DNAH14: variants seen among roughly 807,000 people sequenced by gnomAD.
DNAH14 encodes the protein dynein axonemal heavy chain 14.
A neutral mutation model predicts 520.9 loss-of-function variants in DNAH14; 478 were observed. The ratio of observed to expected loss-of-function variants is 0.92; its 90% confidence interval spans 0.85 to 0.99. DNAH14 has a LOEUF of 0.99. Among genes scored for constraint, DNAH14 ranks in the 50% least tolerant of loss-of-function variants. DNAH14 has a pLI of 0.00. For synonymous variants in DNAH14, 1,581 were observed against 1,757.2 expected (o/e 0.90, Z 2.51); for missense variants, 4,831 against 5,234.5 (o/e 0.92, Z 2.38).
At chr1:225,065,589 A>G (rs1176093276) in intron 17 of DNAH14, among the ~76,000 whole-genome samples, 1 of 152,056 alleles carries the variant, frequency 6.6e-6, no homozygotes, top group Admixed American at 6.6e-5. Flanking sequence ...TTGAGATACT[A>G]CATGTAATTG....
At chr1:225,277,918 G>C (rs2093528817) in intron 54 of DNAH14, among the ~76,000 whole-genome samples, 1 of 151,892 alleles carries the variant, frequency 6.6e-6, no homozygotes, top group Non-Finnish European at 1.5e-5. Context: ...AAAATCTTTT[G>C]GAAAATTAGC....
intron 8 of DNAH14, 23 bp downstream of exon 8, chr1:224,974,176 T>G: frequency 7.0e-7 from 1 of 1,423,994 alleles, no homozygotes; most frequent in African/African-American, 1.5e-5. Flanking sequence ...ACGCAATATA[T>G]AAAAATTTCA....
chr1:225,135,256 C>T (rs1210810672), intron 27 of DNAH14, among the ~76,000 whole-genome samples: 6 of 151,932 alleles, frequency 3.9e-5, no homozygotes, highest in African/African-American at 1.4e-4. Flanking sequence ...AGGTTGTTAA[C>T]TTGAGGTCTC....
At chr1:225,240,983 G>A (rs2091930692) in intron 43 of DNAH14, among the ~76,000 whole-genome samples, 161 bp downstream of exon 43, 1 of 152,154 alleles carries the variant, frequency 6.6e-6, no homozygotes. Context: ...GAAAGAAGCT[G>A]AAGAAAATTA....
At chr1:224,979,272 C>T (rs558247542) in intron 8 of DNAH14, among the ~76,000 whole-genome samples, 2 of 152,276 alleles carry the variant, frequency 1.3e-5, no homozygotes, top group South Asian at 2.1e-4. Context: ...CATCTTTCTC[C>T]CATGCCATGG....
At chr1:225,371,949 T>C (rs1374079157) in intron 77 of DNAH14, among the ~76,000 whole-genome samples, 1 of 152,162 alleles carries the variant, frequency 6.6e-6, no homozygotes, top group Non-Finnish European at 1.5e-5. Flanking sequence ...TTATCTAAAT[T>C]ATTTAATTCC....
In DNAH14 at chr1:225,264,126, T is replaced by A. The variant is rs950040554; in HGVS notation, c.7158-71T>A. 3 of 1,315,378 alleles carry A rather than the reference T, an allele frequency of 2.3e-6. No homozygotes were observed. The African/African-American group carries it at 4.5e-5, about 20-fold the overall frequency. 81.5% of individuals were successfully genotyped at this position (1,315,378 alleles called of 1,614,324 possible). A position where few individuals can be genotyped will look rare whatever the true frequency, so the allele number is the denominator to read the frequency against. On this transcript the variant is annotated intron_variant, in intron 46 of 85. Transcript: ENST00000682510. ...TAAAATTCACAATATGCTGTTACTTTTTTGTTGTTGTTTAATATACCTATT... is the reference window on the plus strand; with the variant it reads ...TAAAATTCACAATATGCTGTTACTTATTTGTTGTTGTTTAATATACCTATT...
intron 41 of DNAH14, among the ~76,000 whole-genome samples, chr1:225,225,196 G>A (rs111545904): frequency 1.3e-5 from 2 of 152,190 alleles, no homozygotes; most frequent in East Asian, 3.9e-4. Context: ...TCACAGACAC[G>A]TTCCCTCCTT....
At chr1:224,971,828 T>C (rs2061518811) in intron 7 of DNAH14, among the ~76,000 whole-genome samples, 1 of 152,210 alleles carries the variant, frequency 6.6e-6, no homozygotes, top group Non-Finnish European at 1.5e-5. Flanking sequence ...TTCTGGGACC[T>C]GTCACATGTA....
At chr1:225,054,667 C>G (rs190850845) in intron 17 of DNAH14, among the ~76,000 whole-genome samples, 1 of 152,168 alleles carries the variant, frequency 6.6e-6, no homozygotes, top group African/African-American at 2.4e-5. Flanking sequence ...TAGTTAGCTT[C>G]TATACAGTAT....
chr1:225,374,597 G>C, intron 77 of DNAH14, 91 bp from the exon 78 acceptor site: 1 of 1,127,382 alleles, frequency 8.9e-7, no homozygotes, highest in South Asian at 2.0e-5. Context: ...AATATATGTA[G>C]CTGTTTGAGA....
At chr1:225,098,857 T>C (rs971019709) in intron 22 of DNAH14, among the ~76,000 whole-genome samples, 1 of 152,204 alleles carries the variant, frequency 6.6e-6, no homozygotes, top group African/African-American at 2.4e-5. Flanking sequence ...TTGAAAAAGA[T>C]GTTTTCAACT....
rs545387053 is a variant in DNAH14 at position 225,129,103 on chromosome 1, C to T, written c.4254+5489C>T. Among the ~76,000 whole-genome samples the T allele has an allele frequency of 4.8e-3, 729 of 151,966 alleles. 11 individuals carry two copies. The highest frequency in any genetic ancestry group is 0.017 in the African/African-American group (703 of 41,408). ...GAGAATAGAATACCTAGGAATCCAACTTACAAGGGATGTGAAGGACCTCTT... is the reference window on the plus strand; with the variant it reads ...GAGAATAGAATACCTAGGAATCCAATTTACAAGGGATGTGAAGGACCTCTT... On this transcript the variant is annotated intron_variant, in intron 27 of 85. Transcript: ENST00000682510.
intron 65 of DNAH14, among the ~76,000 whole-genome samples, chr1:225,333,028 C>T (rs2094835798): frequency 6.6e-6 from 1 of 151,998 alleles, no homozygotes; most frequent in Non-Finnish European, 1.5e-5. Context: ...AATTGTCCTG[C>T]TTTATTACAC....
chr1:225,012,791 G>A (rs149080255), intron 10 of DNAH14, among the ~76,000 whole-genome samples: 15 of 152,254 alleles, frequency 9.9e-5, no homozygotes, highest in Admixed American at 2.6e-4. Context: ...AAGTTCTCGT[G>A]CTGTGTTTTT....
intron 2 of DNAH14, among the ~76,000 whole-genome samples, chr1:224,954,273 T>TTCCTAGAATAGCACAAAGACA (rs2060364263): frequency 6.6e-6 from 1 of 152,176 alleles, no homozygotes; most frequent in Non-Finnish European, 1.5e-5. Context: ...TTGTGCTTTC[T>TTCCTAGAATAGCACAAAGACA]TTGTCCTAGA....
intron 55 of DNAH14, among the ~76,000 whole-genome samples, chr1:225,295,106 T>C (rs1297497045): frequency 6.6e-6 from 1 of 152,148 alleles, no homozygotes; most frequent in East Asian, 1.9e-4. Context: ...CATTGTGATG[T>C]ATTCTTTTTC....
chr1:225,365,751 A>T (rs4653633), intron 76 of DNAH14, among the ~76,000 whole-genome samples: 148,851 of 151,302 alleles, frequency 0.98, 73,262 homozygotes, highest in Middle Eastern at 1. Flanking sequence ...GACAGCCTTT[A>T]ATCTTTGGTC....
chr1:225,153,617 G>C, intron 33 of DNAH14, 133 bp from the exon 34 acceptor site: 1 of 574,328 alleles, frequency 1.7e-6, no homozygotes, highest in Non-Finnish European at 3.0e-6. Flanking sequence ...TATAACCAAG[G>C]GTTTTTTGGA....
Sources: gnomAD v4.1 joint callset for allele counts (sites outside exome capture counted in the v4.1 genomes callset) on GRCh38, gnomAD v4.1.1 for gene constraint, MANE v1.5 for transcripts, NCBI Gene and HGNC (gene_info 2026-07-23, HGNC 2026-07-21) for gene names.